Variants in STK39 observed in about 807,000 individuals in gnomAD.
STK39 encodes serine/threonine kinase 39.
Under a neutral mutation model 77.8 loss-of-function variants are expected in STK39, and 20 were observed. The observed-to-expected ratio is 0.26, with a 90% CI of 0.18 to 0.37. The LOEUF is 0.37. Among genes scored for constraint, STK39 ranks in the 10% least tolerant of loss-of-function variants. The pLI is 1.00. For missense variants in STK39, 479 were observed against 656.5 expected (o/e 0.73, Z 2.95); for synonymous variants, 246 against 234.1 (o/e 1.05, Z -0.47).
chr2:168,247,365 G>A lies in STK39; in HGVS notation c.71C>T (p.Ala24Val). 1.0e-6 allele frequency: 1 copy of A among 989,160 alleles called. No individual in the cohort carries two copies. Among genetic ancestry groups the A allele is most frequent in the Admixed American group, 5.5e-5 (1 of 18,176 alleles). The allele number at this position is 989,160 out of a possible 1,614,324, so 61.3% of individuals were successfully genotyped here. The change falls in exon 1 of 18, where the codon GCG becomes GTG. Residue 24 changes from alanine to valine, a missense_variant. By Grantham distance (64) the Ala-to-Val change is moderately conservative. Coordinates refer to ENST00000355999, the MANE Select transcript of STK39 (RefSeq NM_013233.3). The part of the protein sequence containing the change: ...PQQAAPVTAA[A>V]AAAPAAATAA... ...TGTCGCGGCCGCCGGGGCCGCCGCC[G>A]CCGCCGCTGTCACCGGGGCCGCCTG...
At chr2:168,130,359 T>TGG (rs1687648826) in intron 8 of STK39, among the ~76,000 whole-genome samples, 1 of 152,244 alleles carries the variant, frequency 6.6e-6, no homozygotes, top group Admixed American at 6.5e-5. Context: ...TCATTCAACT[T>TGG]GCTTCTCTAG....
chr2:168,173,839 G>T (rs554966416), intron 2 of STK39, among the ~76,000 whole-genome samples: 1 of 152,224 alleles, frequency 6.6e-6, no homozygotes, highest in South Asian at 2.1e-4. Context: ...GTGAGCCACC[G>T]CACCCAGTCA....
chr2:168,110,879 C>T (rs181225720), intron 10 of STK39, among the ~76,000 whole-genome samples: 9 of 152,234 alleles, frequency 5.9e-5, no homozygotes, highest in Admixed American at 5.9e-4. Context: ...TGGTGTCCTT[C>T]CTATATTGAG....
At chr2:168,183,733 T>C (rs1047837898) in intron 1 of STK39, among the ~76,000 whole-genome samples, 2 of 152,180 alleles carry the variant, frequency 1.3e-5, no homozygotes, top group African/African-American at 2.4e-5. Flanking sequence ...ATCTCACTGC[T>C]CATCCATCAG....
At chr2:168,244,307 T>A (rs955858837) in intron 1 of STK39, among the ~76,000 whole-genome samples, 2 of 152,248 alleles carry the variant, frequency 1.3e-5, no homozygotes, top group African/African-American at 4.8e-5. Flanking sequence ...TGGATTTTAG[T>A]AAACTTATTC....
At chr2:168,207,833 C>T (rs1398960872) in intron 1 of STK39, among the ~76,000 whole-genome samples, 2 of 152,258 alleles carry the variant, frequency 1.3e-5, no homozygotes, top group African/African-American at 2.4e-5. Flanking sequence ...ATTTTTCCAA[C>T]GTCAAAGAGC....
At chr2:168,057,513 G>A (rs116210356) in intron 14 of STK39, among the ~76,000 whole-genome samples, 2,984 of 152,074 alleles carry the variant, frequency 0.02, 115 homozygotes, top group African/African-American at 0.069. Context: ...GTTTTTAAAT[G>A]TTGTGTTTCC....
intron 10 of STK39, among the ~76,000 whole-genome samples, chr2:168,100,441 GT>G: frequency 6.6e-6 from 1 of 152,154 alleles, no homozygotes; most frequent in East Asian, 1.9e-4. Flanking sequence ...TAGTTAGTTA[GT>G]TTTAAAGATG....
At chr2:168,078,991 CAT>C (rs1202833975) in intron 10 of STK39, among the ~76,000 whole-genome samples, 1 of 152,184 alleles carries the variant, frequency 6.6e-6, no homozygotes, top group East Asian at 1.9e-4. Context: ...GAAAGCAACA[CAT>C]AGTGACATTC....
intron 10 of STK39, among the ~76,000 whole-genome samples, chr2:168,119,325 G>A (rs887627139): frequency 3.3e-5 from 5 of 152,114 alleles, no homozygotes; most frequent in African/African-American, 1.2e-4. Context: ...CAAGCTCTAA[G>A]GAGAACTGCA....
intron 2 of STK39, among the ~76,000 whole-genome samples, chr2:168,171,688 T>C (rs945632653): frequency 5.3e-5 from 8 of 152,058 alleles, no homozygotes; most frequent in Non-Finnish European, 8.8e-5. Flanking sequence ...AGGGTCTCAC[T>C]GTGTTGCCCA....
At chr2:168,230,806 CT>C (rs1384260199) in intron 1 of STK39, among the ~76,000 whole-genome samples, 1 of 152,212 alleles carries the variant, frequency 6.6e-6, no homozygotes, top group Admixed American at 6.5e-5. Context: ...GCCTTGACCC[CT>C]TGTCAAGTCC....
chr2:167,955,435 T>G lies in STK39; in HGVS notation c.*61A>C. 6.6e-7 allele frequency: 1 copy of G among 1,522,008 alleles called. No homozygotes were observed. The highest frequency in any genetic ancestry group is 9.0e-7 in the Non-Finnish European group (1 of 1,110,180). 94.3% of individuals were successfully genotyped at this position (1,522,008 alleles called of 1,614,324 possible). On this transcript the variant is annotated 3_prime_UTR_variant, in exon 18 of 18. Transcript: ENST00000355999. ...AGGAAATGGGCAGAAAGAGGGAGGG[T>G]TGAAGGGAGTAGGGGTGGCGGTGGG...
intron 5 of STK39, among the ~76,000 whole-genome samples, chr2:168,155,183 TG>T (rs1688394680): frequency 2.0e-5 from 3 of 152,098 alleles, no homozygotes; most frequent in African/African-American, 7.2e-5. Flanking sequence ...TAGAGCAAAG[TG>T]GTTCTCCTCC....
At chr2:168,173,542 T>A (rs1297141673) in intron 2 of STK39, among the ~76,000 whole-genome samples, 3 of 132,540 alleles carry the variant, frequency 2.3e-5, no homozygotes, top group Non-Finnish European at 4.6e-5. Context: ...TGTGAATTTT[T>A]TTATTTATAT....
At chr2:168,069,110 G>A (rs2105394276) in intron 12 of STK39, among the ~76,000 whole-genome samples, 2 of 152,166 alleles carry the variant, frequency 1.3e-5, no homozygotes, top group East Asian at 3.9e-4. Context: ...TAGAGACAGG[G>A]TTTCACCATG....
rs114516111 is a variant in STK39 at position 168,140,801 on chromosome 2, T to G, written c.629-43A>C. 1,206 of 1,475,690 alleles carry G rather than the reference T, an allele frequency of 8.2e-4. 7 individuals are homozygous for G. The African/African-American group carries it at 0.015, about 18-fold the overall frequency. 91.4% of individuals were successfully genotyped at this position (1,475,690 alleles called of 1,614,324 possible). A position where few individuals can be genotyped will look rare whatever the true frequency, so the allele number is the denominator to read the frequency against. ...ATCACCTTTATTTTATGTAAGACAT[T>G]ATTGCTTATAAATTGTGATTTTTTG... On this transcript the variant is annotated intron_variant, in intron 5 of 17. Coordinates refer to ENST00000355999, the MANE Select transcript of STK39 (RefSeq NM_013233.3).
intron 14 of STK39, among the ~76,000 whole-genome samples, chr2:168,043,506 T>G (rs1685162468): frequency 6.6e-6 from 1 of 152,394 alleles, no homozygotes; most frequent in East Asian, 1.9e-4. Flanking sequence ...ATGTTGCAGC[T>G]GCTTCTAAAT....
chr2:168,040,727 CA>C (rs1685082026), intron 14 of STK39, among the ~76,000 whole-genome samples: 1 of 152,238 alleles, frequency 6.6e-6, no homozygotes, highest in Non-Finnish European at 1.5e-5. Flanking sequence ...CTTTAATTGA[CA>C]AAATGTTTAT....
Sources: gnomAD v4.1 joint callset for allele counts (sites outside exome capture counted in the v4.1 genomes callset) on GRCh38, gnomAD v4.1.1 for gene constraint, MANE v1.5 for transcripts, NCBI Gene and HGNC (gene_info 2026-07-23, HGNC 2026-07-21) for gene names.